Variants in MEF2C observed in about 807,000 individuals in gnomAD.
MEF2C encodes myocyte enhancer factor 2C, also known as myocyte-specific enhancer factor 2C.
MEF2C carries 6 observed loss-of-function variants against 50.5 expected under a neutral mutation model. That is an observed-to-expected ratio of 0.12 (90% CI 0.07 to 0.23). The LOEUF (loss-of-function observed/expected upper bound fraction) is 0.23. Among genes scored for constraint, MEF2C ranks in the 10% least tolerant of loss-of-function variants. The pLI, the probability that MEF2C is intolerant of heterozygous loss-of-function variation, is 1.00. For missense variants in MEF2C, 276 were observed against 605.0 expected (o/e 0.46, Z 5.70); for synonymous variants, 183 against 228.0 (o/e 0.80, Z 1.78).
intron 1 of MEF2C, among the ~76,000 whole-genome samples, chr5:88,875,130 T>C (rs1830673211): frequency 1.3e-5 from 2 of 152,030 alleles, no homozygotes; most frequent in African/African-American, 2.4e-5. Context: ...TAAGGAGAAG[T>C]ACAAGCTTTT....
chr5:88,837,367 T>G (rs937847215), intron 1 of MEF2C, among the ~76,000 whole-genome samples: 1 of 152,188 alleles, frequency 6.6e-6, no homozygotes, highest in Non-Finnish European at 1.5e-5. Flanking sequence ...GCTGTTCACT[T>G]GAAGTAAAAG....
At chr5:88,900,902 G>A (rs1207348654) in intron 1 of MEF2C, among the ~76,000 whole-genome samples, 1 of 151,996 alleles carries the variant, frequency 6.6e-6, no homozygotes, top group Non-Finnish European at 1.5e-5. Context: ...CTTTGAAAAT[G>A]AGAAGCTGAA....
intron 3 of MEF2C, among the ~76,000 whole-genome samples, chr5:88,775,458 C>T (rs962778828): frequency 6.6e-6 from 1 of 152,088 alleles, no homozygotes; most frequent in Non-Finnish European, 1.5e-5. Context: ...TAAATACTTA[C>T]AAATAAAATA....
At chr5:88,739,884 C>G in intron 6 of MEF2C, 1 of 985,290 alleles carries the variant, frequency 1.0e-6, no homozygotes, top group Non-Finnish European at 1.2e-6. Flanking sequence ...TGATTCTTAT[C>G]TTGCTAAAGA....
At chr5:88,752,879 T>C (rs1773474127) in intron 4 of MEF2C, 1 of 491,652 alleles carries the variant, frequency 2.0e-6, no homozygotes, top group Admixed American at 6.4e-5. Flanking sequence ...TAATTGTAGC[T>C]ACTTTTTTTT....
At chr5:88,748,736 GATT>G in intron 6 of MEF2C, 1 of 972,562 alleles carries the variant, frequency 1.0e-6, no homozygotes, top group Non-Finnish European at 1.2e-6. Context: ...AATGTGAAAT[GATT>G]AACAGAGAAC....
intron 3 of MEF2C, among the ~76,000 whole-genome samples, chr5:88,780,547 A>T (rs1281283784): frequency 7.9e-5 from 12 of 152,222 alleles, no homozygotes; most frequent in Non-Finnish European, 1.5e-5. Flanking sequence ...ATTAAGCCAC[A>T]TGTGTAATAC....
At chr5:88,745,598 C>A (rs1406060178) in intron 6 of MEF2C, among the ~76,000 whole-genome samples, 8 of 152,168 alleles carry the variant, frequency 5.3e-5, no homozygotes, top group African/African-American at 7.2e-5. Flanking sequence ...TTGCTTGAAT[C>A]CAGGAGTTCA....
intron 3 of MEF2C, among the ~76,000 whole-genome samples, chr5:88,777,874 A>G (rs1785584391): frequency 6.6e-6 from 1 of 150,800 alleles, no homozygotes; most frequent in Admixed American, 6.6e-5. Context: ...CCCAAGGAAA[A>G]GAAAGGGTGC....
At chr5:88,752,494 C>T (rs953130409) in intron 4 of MEF2C, 1 of 564,108 alleles carries the variant, frequency 1.8e-6, no homozygotes, top group African/African-American at 2.0e-5. Context: ...GATAGAAAAT[C>T]ATCTCCAAGC....
At chr5:88,874,154 T>A (rs1016526224) in intron 1 of MEF2C, among the ~76,000 whole-genome samples, 1 of 151,972 alleles carries the variant, frequency 6.6e-6, no homozygotes, top group South Asian at 2.1e-4. Context: ...GAGAATTACT[T>A]ACTAGGCGAA....
At chr5:88,734,578 T>TTTTTTG in intron 6 of MEF2C, 2 of 932,920 alleles carry the variant, frequency 2.1e-6, no homozygotes, top group Non-Finnish European at 2.5e-6. Flanking sequence ...TTTTTTTTTT[T>TTTTTTG]TTTTTTTTTT....
intron 10 of MEF2C, 141 bp from the exon 11 acceptor site, chr5:88,723,066 A>C (rs1756911164): frequency 1.3e-6 from 1 of 761,412 alleles, no homozygotes. Context: ...TTGGAAGCAC[A>C]TAAGGGCATC....
rs149706617 is a variant in MEF2C, at chr5:88,730,246, C to A, written c.811-12G>T. On this transcript the variant is annotated splice_polypyrimidine_tract_variant and intron_variant, in intron 7 of 10. Coordinates refer to ENST00000504921, the MANE Select transcript of MEF2C (RefSeq NM_002397.5). ...TCGACATCCTCAGACTGAGAGCATG[C>A]GGAAGGAGTTTTATTAATTAGTGTC... 1.3e-6 allele frequency: 2 copies of A among 1,571,630 alleles called. No individual in the cohort carries two copies. The highest frequency in any genetic ancestry group is 2.7e-5 in the African/African-American group (2 of 73,950).
chr5:88,776,631 G>C (rs769414211), intron 3 of MEF2C, among the ~76,000 whole-genome samples: 1 of 152,126 alleles, frequency 6.6e-6, no homozygotes, highest in East Asian at 1.9e-4. Flanking sequence ...ATACTGGAAG[G>C]GGGAGAGGAA....
At chr5:88,821,166 C>G (rs1028890214) in intron 2 of MEF2C, among the ~76,000 whole-genome samples, 2 of 151,822 alleles carry the variant, frequency 1.3e-5, no homozygotes, top group Non-Finnish European at 2.9e-5. Flanking sequence ...TGACTTCTAA[C>G]CTGGATGAGG....
At chr5:88,897,002 T>C (rs1835184905) in intron 1 of MEF2C, among the ~76,000 whole-genome samples, 1 of 152,068 alleles carries the variant, frequency 6.6e-6, no homozygotes, top group African/African-American at 2.4e-5. Context: ...TTCCTTTGCG[T>C]TGGAAAATTA....
At chr5:88,811,778 C>T (rs1197357572) in intron 2 of MEF2C, among the ~76,000 whole-genome samples, 1 of 152,048 alleles carries the variant, frequency 6.6e-6, no homozygotes, top group African/African-American at 2.4e-5. Context: ...ATTGATAAAA[C>T]AGCAAATTCA....
intron 1 of MEF2C, among the ~76,000 whole-genome samples, chr5:88,878,923 G>GAATAT (rs1831954821): frequency 6.6e-6 from 1 of 151,958 alleles, no homozygotes; most frequent in Non-Finnish European, 1.5e-5. Context: ...TATAAAGAGT[G>GAATAT]AATATATAAC....
Sources: gnomAD v4.1 joint callset for allele counts (sites outside exome capture counted in the v4.1 genomes callset) on GRCh38, gnomAD v4.1.1 for gene constraint, MANE v1.5 for transcripts, NCBI Gene and HGNC (gene_info 2026-07-23, HGNC 2026-07-21) for gene names.